Variants in MAP3K13 observed in about 807,000 individuals in gnomAD.
MAP3K13 encodes mitogen-activated protein kinase kinase kinase 13, also known as leucine zipper-bearing kinase.
Under a neutral mutation model 104.0 loss-of-function variants are expected in MAP3K13, and 52 were observed. The observed-to-expected ratio is 0.50, with a 90% CI of 0.40 to 0.63. The LOEUF (loss-of-function observed/expected upper bound fraction) is 0.63. MAP3K13 is among the 20% of genes least tolerant of loss of function. MAP3K13 has a pLI of 0.00. For synonymous variants in MAP3K13, 394 were observed against 442.2 expected, an observed-to-expected ratio of 0.89 and a Z score of 1.37; for missense variants, 914 against 1,218.5, an observed-to-expected ratio of 0.75 and a Z score of 3.72.
chr3:185,373,127 C>A (rs1332459577), intron 1 of MAP3K13, among the ~76,000 whole-genome samples: 1 of 152,082 alleles, frequency 6.6e-6, no homozygotes, highest in East Asian at 1.9e-4. Flanking sequence ...GAAATCACTT[C>A]TGGTTTATTC....
At chr3:185,394,830 C>A (rs1290096409) in intron 1 of MAP3K13, among the ~76,000 whole-genome samples, 3 of 152,118 alleles carry the variant, frequency 2.0e-5, no homozygotes, top group Non-Finnish European at 2.9e-5. Context: ...ATGGACTGAA[C>A]AAGCAATCTA....
Position 185,418,678 on chromosome 3 carries a change from G to T in MAP3K13, c.-85-9819G>T. 2 of 1,611,654 alleles carry T rather than the reference G, an allele frequency of 1.2e-6. No individual in the cohort carries two copies. The highest frequency in any genetic ancestry group is 1.7e-6 in the Non-Finnish European group (2 of 1,178,754). ...GGTGTGAACAAAGTTCACAATATCTGGTCGAATAGGAGCCTTGAATACAGC... is the reference window on the plus strand; with the variant it reads ...GGTGTGAACAAAGTTCACAATATCTTGTCGAATAGGAGCCTTGAATACAGC... On this transcript the variant is annotated intron_variant, in intron 1 of 13. Transcript: ENST00000265026. The surrounding 1 kb of genome is among the most constrained non-coding windows in gnomAD (Gnocchi z 4.5).
intron 1 of MAP3K13, among the ~76,000 whole-genome samples, chr3:185,396,258 C>A (rs1712411410): frequency 6.6e-6 from 1 of 152,026 alleles, no homozygotes; most frequent in South Asian, 2.1e-4. Context: ...GTAGTCCCAG[C>A]TAGTCAGGAG....
At chr3:185,416,004 G>A (rs1713749102) in intron 1 of MAP3K13, among the ~76,000 whole-genome samples, 1 of 152,148 alleles carries the variant, frequency 6.6e-6, no homozygotes, top group African/African-American at 2.4e-5. Context: ...AAAAATAACT[G>A]CTGTAATTAA....
chr3:185,453,579 G>A (rs1716010890), intron 7 of MAP3K13, among the ~76,000 whole-genome samples: 1 of 151,612 alleles, frequency 6.6e-6, no homozygotes, highest in African/African-American at 2.4e-5. Flanking sequence ...GACCATCCTG[G>A]CCAACATGGT....
Position 185,406,084 on chromosome 3 carries a change from C to T in MAP3K13, c.-85-22413C>T, listed in dbSNP as rs544583798. On this transcript the variant is annotated intron_variant, in intron 1 of 13. Transcript: ENST00000265026. ...GGCCCCCTAGAATTATACAATGTCA[C>T]GACCCTGGGTGAAAGAGTAGTAAGA... is the stretch of plus-strand genomic sequence containing the variant. 5.9e-5 allele frequency among the ~76,000 whole-genome samples: 9 copies of T among 152,250 alleles called. No individual in the cohort carries two copies. In the East Asian group the frequency reaches 1.3e-3, roughly 23 times the overall value.
At chr3:185,308,009 C>CTTTTTTTTTTTTTTTTTTTTTTTTTTTTT (rs33949195) in intron 2 of MAP3K13, among the ~76,000 whole-genome samples, 4 of 31,574 alleles carry the variant, frequency 1.3e-4, no homozygotes, top group African/African-American at 2.4e-4. Flanking sequence ...TCTTTGGGGT[C>CTTTTTTTTTTTTTTTTTTTTTTTTTTTTT]TTTTTTTTTT....
intron 10 of MAP3K13, among the ~76,000 whole-genome samples, chr3:185,472,040 T>C (rs1483216988): frequency 1.3e-5 from 2 of 152,172 alleles, no homozygotes; most frequent in African/African-American, 4.8e-5. Flanking sequence ...TAGAATTGTG[T>C]AAGCTGAGCC....
intron 2 of MAP3K13, among the ~76,000 whole-genome samples, chr3:185,429,785 A>G (rs971995712): frequency 1.3e-5 from 2 of 152,234 alleles, no homozygotes; most frequent in Admixed American, 6.5e-5. Flanking sequence ...AACTTAGATT[A>G]TAGTAAAAAG....
intron 2 of MAP3K13, among the ~76,000 whole-genome samples, chr3:185,350,177 G>T (rs1040662362): frequency 6.6e-6 from 1 of 152,116 alleles, no homozygotes; most frequent in Non-Finnish European, 1.5e-5. Context: ...TATCACAACT[G>T]CTTCTATGAC....
intron 2 of MAP3K13, among the ~76,000 whole-genome samples, chr3:185,311,414 GC>G (rs367832481): frequency 9.9e-5 from 15 of 152,194 alleles, no homozygotes; most frequent in African/African-American, 2.6e-4. Flanking sequence ...GGAAAGACCA[GC>G]CCCCATGATT....
chr3:185,408,652 G>A (rs946168230), intron 1 of MAP3K13, among the ~76,000 whole-genome samples: 12 of 151,920 alleles, frequency 7.9e-5, no homozygotes, highest in African/African-American at 2.9e-4. Context: ...CTGTATACAA[G>A]TGAGGCAACT....
At chr3:185,437,725 A>G in intron 3 of MAP3K13, 95 bp downstream of exon 3, 8 of 1,253,916 alleles carry the variant, frequency 6.4e-6, no homozygotes, top group Non-Finnish European at 6.7e-6. Flanking sequence ...TTTCAAAAGC[A>G]TTCTCTAGAC....
At chr3:185,301,399 T>C (rs535367714) in intron 2 of MAP3K13, among the ~76,000 whole-genome samples, 1 of 152,296 alleles carries the variant, frequency 6.6e-6, no homozygotes, top group Admixed American at 6.5e-5. Flanking sequence ...GAGAAACTTT[T>C]TAAGGTTGCC....
intron 2 of MAP3K13, among the ~76,000 whole-genome samples, chr3:185,294,435 T>C (rs993426863): frequency 4.6e-5 from 7 of 152,194 alleles, no homozygotes; most frequent in African/African-American, 1.4e-4. Flanking sequence ...TAAACTGTGA[T>C]AGAAGGTTGT....
chr3:185,419,948 T>G (rs1314372143), intron 1 of MAP3K13, among the ~76,000 whole-genome samples: 1 of 152,224 alleles, frequency 6.6e-6, no homozygotes, highest in Non-Finnish European at 1.5e-5. Flanking sequence ...AAACTTATTT[T>G]AACTGTAATC....
At chr3:185,378,174 G>A (rs1339401452) in intron 1 of MAP3K13, among the ~76,000 whole-genome samples, 4 of 152,152 alleles carry the variant, frequency 2.6e-5, no homozygotes, top group African/African-American at 4.8e-5. Flanking sequence ...CCTTGAAGGC[G>A]AGGTTAATTA....
intron 4 of MAP3K13, among the ~76,000 whole-genome samples, chr3:185,445,846 T>G (rs1715561090): frequency 6.6e-6 from 1 of 152,200 alleles, no homozygotes; most frequent in African/African-American, 2.4e-5. Context: ...CCATCCTCTC[T>G]TGTCACACCA....
At chr3:185,472,362 A>ATG (rs1717854650) in intron 10 of MAP3K13, among the ~76,000 whole-genome samples, 1 of 151,424 alleles carries the variant, frequency 6.6e-6, no homozygotes, top group Admixed American at 6.6e-5. Flanking sequence ...ACAGGCATGC[A>ATG]CCACCACGCC....
Sources: gnomAD v4.1 joint callset for allele counts (sites outside exome capture counted in the v4.1 genomes callset) on GRCh38, gnomAD v4.1.1 for gene constraint, Gnocchi (gnomAD v3.1) non-coding constraint, MANE v1.5 for transcripts, NCBI Gene and HGNC (gene_info 2026-07-23, HGNC 2026-07-21) for gene names.